PLPP4: variants seen among roughly 807,000 people sequenced by gnomAD.
PLPP4 encodes diacylglycerol pyrophosphate like 2.
Under a neutral mutation model 32.2 loss-of-function variants are expected in PLPP4, and 20 were observed. The observed-to-expected ratio is 0.62, with a 90% CI of 0.44 to 0.90. The LOEUF (loss-of-function observed/expected upper bound fraction) is 0.90. Ranked by LOEUF, PLPP4 falls within the 40% of genes least tolerant of loss-of-function variation. The probability of loss-of-function intolerance (pLI) is 0.00; values close to 1 mark genes in which losing one functional copy is unlikely to be tolerated. For missense variants in PLPP4, 257 were observed against 353.1 expected, an observed-to-expected ratio of 0.73 and a Z score of 2.18; for synonymous variants, 127 against 133.0, an observed-to-expected ratio of 0.95 and a Z score of 0.31.
intron 3 of PLPP4, among the ~76,000 whole-genome samples, chr10:120,517,007 G>C (rs1042677062): frequency 1.3e-5 from 2 of 152,132 alleles, no homozygotes; most frequent in Non-Finnish European, 2.9e-5. Context: ...ACTGTAGGTG[G>C]TTATATCATA....
At chr10:120,495,940 A>G (rs1359181985) in intron 1 of PLPP4, among the ~76,000 whole-genome samples, 3 of 152,156 alleles carry the variant, frequency 2.0e-5, no homozygotes, top group East Asian at 1.9e-4. Flanking sequence ...GTATGGCAGC[A>G]TCCTGGGGGA....
At chr10:120,515,898 G>A (rs929091697) in intron 3 of PLPP4, among the ~76,000 whole-genome samples, 23 of 152,180 alleles carry the variant, frequency 1.5e-4, no homozygotes, top group African/African-American at 5.3e-4. Context: ...ACTGACGGCT[G>A]GCTTTTGGAG....
chr10:120,465,235 C>T (rs949866876), intron 1 of PLPP4, among the ~76,000 whole-genome samples: 1 of 152,194 alleles, frequency 6.6e-6, no homozygotes, highest in Admixed American at 6.5e-5. Flanking sequence ...ACTGTTTTTA[C>T]AGTGAGGAAG....
intron 5 of PLPP4, among the ~76,000 whole-genome samples, chr10:120,547,590 G>A (rs1451569592): frequency 2.0e-5 from 3 of 152,130 alleles, no homozygotes; most frequent in Admixed American, 6.5e-5. Context: ...TCAGTACAAT[G>A]TGAAACTTCT....
At chr10:120,539,776 G>A (rs1056982217) in intron 5 of PLPP4, among the ~76,000 whole-genome samples, 5 of 152,070 alleles carry the variant, frequency 3.3e-5, no homozygotes, top group Non-Finnish European at 5.9e-5. Context: ...TCAGTTTTCT[G>A]GGTCATGAGG....
At chr10:120,488,710 C>T (rs1224321294) in intron 1 of PLPP4, among the ~76,000 whole-genome samples, 5 of 152,230 alleles carry the variant, frequency 3.3e-5, no homozygotes, top group Admixed American at 1.3e-4. Flanking sequence ...GCTCTGGGTC[C>T]TCCCACCACA....
At chr10:120,551,416 G>A (rs964051765) in intron 5 of PLPP4, among the ~76,000 whole-genome samples, 2 of 152,116 alleles carry the variant, frequency 1.3e-5, no homozygotes. Flanking sequence ...TTCATAAAAG[G>A]TCTTGTACAA....
At chr10:120,489,628 G>A (rs1844619806) in intron 1 of PLPP4, among the ~76,000 whole-genome samples, 1 of 152,192 alleles carries the variant, frequency 6.6e-6, no homozygotes, top group African/African-American at 2.4e-5. Flanking sequence ...ACTGAGTGCT[G>A]CCGTGGGGAG....
chr10:120,582,804 T>TCCCG (rs80228358), intron 6 of PLPP4, among the ~76,000 whole-genome samples: 1 of 77,308 alleles, frequency 1.3e-5, no homozygotes. Context: ...CCTCCCTCCC[T>TCCCG]TCCTTCCTTC....
intron 5 of PLPP4, among the ~76,000 whole-genome samples, chr10:120,571,768 C>G (rs12252354): frequency 0.091 from 13,879 of 152,136 alleles, 927 homozygotes; most frequent in African/African-American, 0.17. Flanking sequence ...CTCATTCTTC[C>G]TCAGGTAGTT....
intron 1 of PLPP4, among the ~76,000 whole-genome samples, chr10:120,464,527 T>C (rs1347941799): frequency 1.3e-5 from 2 of 152,182 alleles, no homozygotes; most frequent in African/African-American, 2.4e-5. Flanking sequence ...GGATGTACCT[T>C]GCCATGAGTT....
At chr10:120,517,800 C>T (rs931639513) in intron 3 of PLPP4, among the ~76,000 whole-genome samples, 22 of 152,178 alleles carry the variant, frequency 1.4e-4, no homozygotes, top group Non-Finnish European at 3.1e-4. Flanking sequence ...ACTTTCTGCT[C>T]ATAGAACAAC....
intron 5 of PLPP4, among the ~76,000 whole-genome samples, chr10:120,527,824 A>G (rs1455847354): frequency 6.6e-6 from 1 of 152,200 alleles, no homozygotes; most frequent in Non-Finnish European, 1.5e-5. Context: ...GGTTTTAACT[A>G]TGAATTGAGA....
At chr10:120,554,674 G>T (rs1848067375) in intron 5 of PLPP4, among the ~76,000 whole-genome samples, 1 of 151,782 alleles carries the variant, frequency 6.6e-6, no homozygotes, top group African/African-American at 2.4e-5. Flanking sequence ...ATGACGGGGA[G>T]GTCTCAGGAA....
intron 2 of PLPP4, among the ~76,000 whole-genome samples, chr10:120,505,389 G>A (rs574330060): frequency 2.7e-4 from 41 of 152,316 alleles, no homozygotes; most frequent in African/African-American, 9.9e-4. Flanking sequence ...GTTATGGAAC[G>A]ATAATGTCAC....
At chr10:120,564,248 A>T (rs1244339602) in intron 5 of PLPP4, among the ~76,000 whole-genome samples, 1 of 151,754 alleles carries the variant, frequency 6.6e-6, no homozygotes, top group Non-Finnish European at 1.5e-5. Context: ...GTAGAGCTTT[A>T]AAAAAAATCC....
intron 1 of PLPP4, among the ~76,000 whole-genome samples, chr10:120,459,720 A>G (rs114496654): frequency 1.1e-4 from 17 of 152,160 alleles, no homozygotes; most frequent in Non-Finnish European, 1.0e-4. Context: ...GGATGAAAGA[A>G]TTATCTGCGG....
chr10:120,466,963 G>C (rs893063972), intron 1 of PLPP4, among the ~76,000 whole-genome samples: 1 of 152,156 alleles, frequency 6.6e-6, no homozygotes. Flanking sequence ...CAATGAAATA[G>C]TGTAGTTCTC....
At chr10:120,530,808 C>T (rs1846672129) in intron 5 of PLPP4, among the ~76,000 whole-genome samples, 2 of 152,104 alleles carry the variant, frequency 1.3e-5, no homozygotes, top group Middle Eastern at 3.2e-3. Flanking sequence ...ATGTCCTCAC[C>T]GACATTTGGT....
Sources: gnomAD v4.1 joint callset for allele counts (sites outside exome capture counted in the v4.1 genomes callset) on GRCh38, gnomAD v4.1.1 for gene constraint, MANE v1.5 for transcripts, NCBI Gene and HGNC (gene_info 2026-07-23, HGNC 2026-07-21) for gene names.